The following IFFO2 variants were observed in gnomAD, a reference collection of about 807,000 sequenced individuals.
IFFO2 encodes intermediate filament family orphan 2.
In IFFO2, 19 loss-of-function variants were observed where a neutral mutation model predicts 53.5. That is an observed-to-expected ratio of 0.36 (90% CI 0.25 to 0.52). The LOEUF (loss-of-function observed/expected upper bound fraction) is 0.52, where lower values mean the gene tolerates loss of function less well. IFFO2 is among the 20% of genes least tolerant of loss of function. The probability of loss-of-function intolerance (pLI) is 0.94; values close to 1 mark genes in which losing one functional copy is unlikely to be tolerated. For synonymous variants in IFFO2, 303 were observed against 313.6 expected, an observed-to-expected ratio of 0.97 and a Z score of 0.36; for missense variants, 570 against 727.4, an observed-to-expected ratio of 0.78 and a Z score of 2.49.
intron 1 of IFFO2, among the ~76,000 whole-genome samples, chr1:18,955,082 T>A (rs763140364): frequency 3.9e-5 from 6 of 152,172 alleles, no homozygotes; most frequent in Non-Finnish European, 8.8e-5. Flanking sequence ...GGCAGATCCA[T>A]CCATTTTCAA....
In IFFO2 at chr1:18,917,744, G is replaced by A. The variant is rs1208556227; in HGVS notation, c.963+618C>T. Among the ~76,000 whole-genome samples the A allele has an allele frequency of 1.3e-5, 2 of 151,886 alleles. No homozygotes were observed. Among genetic ancestry groups the A allele is most frequent in the Non-Finnish European group, 1.5e-5 (1 of 68,002 alleles). ...TCGGAGAATGACATGTGCCTCATTC[G>A]GCTGGACTGGCCCCCCAAGCCCTCT... On this transcript the variant is annotated intron_variant, in intron 4 of 8. Transcript: ENST00000455833. This position sits in a 1 kb window ranked among gnomAD's most constrained non-coding sequence, Gnocchi z 5.9.
chr1:18,912,173 G>A (rs1936051119), intron 5 of IFFO2, 90 bp from the exon 6 acceptor site: 7 of 1,485,496 alleles, frequency 4.7e-6, no homozygotes, highest in Non-Finnish European at 6.4e-6. Context: ...TGCCCAGCAG[G>A]TACACAGCTT....
chr1:18,956,144 G>A lies in IFFO2; in HGVS notation c.189C>T (p.Arg63=). The change falls in exon 1 of 9, where the codon CGC becomes CGT. Residue 63 remains arginine, a synonymous_variant. Transcript: ENST00000455833. This position sits in a 1 kb window ranked among gnomAD's most constrained non-coding sequence, Gnocchi z 6.4. ...GCACCTTAGCCAGGAAGCAGCGGAA[G>A]CGCACGTTGAGCCCCTTCAAGAGGT... ...NIHLLKGLNV[R]FRCFLAKVHE... is the part of the protein sequence containing the mutation. 3.3e-6 allele frequency: 5 copies of A among 1,502,496 alleles called. No individual in the cohort carries two copies. The highest frequency in any genetic ancestry group is 4.5e-6 in the Non-Finnish European group (5 of 1,117,846). The allele number at this position is 1,502,496 out of a possible 1,614,324, so 93.1% of individuals were successfully genotyped here.
intron 5 of IFFO2, 76 bp from the exon 6 acceptor site, chr1:18,912,159 C>T: frequency 6.6e-7 from 1 of 1,525,376 alleles, no homozygotes; most frequent in Non-Finnish European, 8.9e-7. Flanking sequence ...CAGAAAGGGG[C>T]AGCTGCCCAG....
At chr1:18,950,976 G>A (rs1936652726) in intron 1 of IFFO2, among the ~76,000 whole-genome samples, 1 of 152,224 alleles carries the variant, frequency 6.6e-6, no homozygotes, top group African/African-American at 2.4e-5. Context: ...TCGACTGCTG[G>A]CGGATGATGC....
intron 1 of IFFO2, among the ~76,000 whole-genome samples, chr1:18,950,582 C>T (rs1233011990): frequency 5.3e-5 from 8 of 152,214 alleles, no homozygotes; most frequent in Admixed American, 3.9e-4. Context: ...TTTCCACCAT[C>T]GAAGGCTGCC....
intron 1 of IFFO2, among the ~76,000 whole-genome samples, chr1:18,943,587 C>G (rs771645055): frequency 6.6e-6 from 1 of 152,204 alleles, no homozygotes; most frequent in Admixed American, 6.5e-5. Context: ...GACAGGGCAG[C>G]CTTTCCTGAA....
intron 8 of IFFO2, 66 bp downstream of exon 8, chr1:18,910,276 T>C (rs1302683573): frequency 4.5e-6 from 7 of 1,539,932 alleles, no homozygotes; most frequent in Admixed American, 3.9e-5. Flanking sequence ...CATGGCCGAG[T>C]TGCAGCCTTG....
At chr1:18,951,373 C>A (rs1156453691) in intron 1 of IFFO2, among the ~76,000 whole-genome samples, 2 of 152,152 alleles carry the variant, frequency 1.3e-5, no homozygotes, top group African/African-American at 4.8e-5. Flanking sequence ...TCCAATCACC[C>A]CAGGCACCAG....
intron 1 of IFFO2, among the ~76,000 whole-genome samples, chr1:18,926,167 ACTCCTCAG>A (rs1377615937): frequency 1.3e-5 from 2 of 151,548 alleles, no homozygotes; most frequent in Non-Finnish European, 2.9e-5. Context: ...AGCTGCACTT[ACTCCTCAG>A]TGCCCTGATG....
chr1:18,913,357 C>T (rs912966170), intron 5 of IFFO2, among the ~76,000 whole-genome samples: 3 of 152,252 alleles, frequency 2.0e-5, no homozygotes, highest in Admixed American at 6.5e-5. Flanking sequence ...GTCCAGTGGT[C>T]ACTGCATCAC....
chr1:18,940,266 A>G (rs1395560086), intron 1 of IFFO2, among the ~76,000 whole-genome samples: 1 of 152,210 alleles, frequency 6.6e-6, no homozygotes. Context: ...CTGTCTGTTG[A>G]CACAGCAGAG....
In IFFO2 at chr1:18,917,215, G is replaced by A. The variant is rs1055890669; in HGVS notation, c.964-173C>T. ...AGCAGGCGGCGTTAGCAGGAAGCGC[G>A]AGGTGGGAGACATGCAGGGGGACAC... On this transcript the variant is annotated intron_variant, in intron 4 of 8. Coordinates refer to ENST00000455833, the MANE Select transcript of IFFO2 (RefSeq NM_001136265.2). The surrounding 1 kb of genome is among the most constrained non-coding windows in gnomAD (Gnocchi z 5.9). Among the ~76,000 whole-genome samples the A allele has an allele frequency of 3.3e-5, 5 of 152,168 alleles. No individual in the cohort carries two copies. The highest frequency in any genetic ancestry group is 1.3e-4 in the Admixed American group (2 of 15,280).
chr1:18,910,403 T>C lies in IFFO2; in HGVS notation c.1387A>G (p.Lys463Glu). The change falls in exon 8 of 9, where the codon AAG (lysine) becomes GAG (glutamate). Residue 463 changes from lysine (K) to glutamate (E), a missense_variant. Physicochemically the swap from Lys to Glu is moderately conservative, Grantham distance 56. Transcript: ENST00000455833. ...TCCATCTGCACGTCCAGGCCTCGCT[T>C]CATGCTGCACATCTCCATGTACTCG... ...LHEYMEMCSM[K>E]RGLDVQMETC... 6.2e-7 allele frequency: 1 copy of C among 1,614,050 alleles called. No individual in the cohort carries two copies. Among genetic ancestry groups the C allele is most frequent in the Non-Finnish European group, 8.5e-7 (1 of 1,179,932 alleles).
In IFFO2 at chr1:18,919,625, C is replaced by T; in HGVS notation, c.822+53G>A. 1 of 1,203,304 alleles carries T rather than the reference C, an allele frequency of 8.3e-7. No homozygotes were observed. The highest frequency in any genetic ancestry group is 2.0e-5 in the Admixed American group (1 of 50,372). The allele number at this position is 1,203,304 out of a possible 1,614,324, so 74.5% of individuals were successfully genotyped here. ...GCCTCGGAGGGAATGAAGCATTTTG[C>T]ATGATGGGTGTGGGGGAGGTCATGA... is the stretch of plus-strand genomic sequence containing the variant. On this transcript the variant is annotated intron_variant, in intron 3 of 8. Transcript: ENST00000455833. This position sits in a 1 kb window ranked among gnomAD's most constrained non-coding sequence, Gnocchi z 4.9.
At chr1:18,945,144 T>C (rs1422401830) in intron 1 of IFFO2, among the ~76,000 whole-genome samples, 1 of 152,194 alleles carries the variant, frequency 6.6e-6, no homozygotes, top group African/African-American at 2.4e-5. Flanking sequence ...ACCTAGGTGA[T>C]GTCACCTCCA....
Position 18,916,883 on chromosome 1 carries a change from C to T in IFFO2, c.1103+20G>A, listed in dbSNP as rs369042544. The T allele has an allele frequency of 1.8e-4, 283 of 1,550,750 alleles. No individual in the cohort carries two copies. The African/African-American group carries it at 2.6e-3, about 14-fold the overall frequency. ...GCAATCCGGGGAAACGGAGAGTGTGCGGGCCACGGGGATACTCACAGCTGG... is the reference window on the plus strand; with the variant it reads ...GCAATCCGGGGAAACGGAGAGTGTGTGGGCCACGGGGATACTCACAGCTGG... On this transcript the variant is annotated intron_variant, in intron 5 of 8. Coordinates refer to ENST00000455833, the MANE Select transcript of IFFO2 (RefSeq NM_001136265.2). The surrounding 1 kb of genome is among the most constrained non-coding windows in gnomAD (Gnocchi z 4.3).
Position 18,906,668 on chromosome 1 carries a change from G to T in IFFO2, c.*1893C>A, listed in dbSNP as rs1375294713. Reference sequence around the variant, plus strand: ...GAACCCTGTAACCTTTAGAACAAGGGTGAGTGAGGAGAGAGAAGGGCCGTC... The same window carrying T: ...GAACCCTGTAACCTTTAGAACAAGGTTGAGTGAGGAGAGAGAAGGGCCGTC... On this transcript the variant is annotated 3_prime_UTR_variant, in exon 9 of 9. Transcript: ENST00000455833. 1 of 152,196 alleles carries T rather than the reference G, an allele frequency of 6.6e-6. No individual in the cohort carries two copies. The highest frequency in any genetic ancestry group is 2.4e-5 in the African/African-American group (1 of 41,430). The allele number at this position is 152,196 out of a possible 1,614,324, so 9.4% of individuals were successfully genotyped here.
At position 18,955,793 on chromosome 1, in the gene IFFO2, G is replaced by A. The variant is rs1936716491; in HGVS notation, c.540C>T (p.Gly180=). ...TGGGGVETVQ[G]PGVSWVHPDG... is the part of the protein sequence containing the mutation. The stretch of plus-strand genomic sequence containing the variant: ...CGGGGTGCACCCACGACACGCCGGG[G>A]CCCTGCACGGTCTCCACGCCGCCGC... The change falls in exon 1 of 9, where the codon GGC becomes GGT. Residue 180 remains glycine (G), a synonymous_variant. Transcript: ENST00000455833. The A allele has an allele frequency of 3.2e-6, 5 of 1,540,952 alleles. No homozygotes were observed. Among genetic ancestry groups the A allele is most frequent in the African/African-American group, 2.8e-5 (2 of 71,790 alleles).
Sources: gnomAD v4.1 joint callset for allele counts (sites outside exome capture counted in the v4.1 genomes callset) on GRCh38, gnomAD v4.1.1 for gene constraint, Gnocchi (gnomAD v3.1) non-coding constraint, MANE v1.5 for transcripts, NCBI Gene and HGNC (gene_info 2026-07-23, HGNC 2026-07-21) for gene names.